UBE2E2: variants seen among roughly 807,000 people sequenced by gnomAD.
UBE2E2 encodes ubiquitin conjugating enzyme E2 E2, also known as ubiquitin-conjugating enzyme E2 E2.
UBE2E2 carries 6 observed loss-of-function variants against 24.7 expected under a neutral mutation model. The ratio of observed to expected loss-of-function variants is 0.24; its 90% CI spans 0.13 to 0.48. The LOEUF (loss-of-function observed/expected upper bound fraction) is 0.48. Among genes scored for constraint, UBE2E2 ranks in the 20% least tolerant of loss-of-function variants. The pLI is 0.99. For missense variants in UBE2E2, 169 were observed against 245.0 expected, an observed-to-expected ratio of 0.69 and a Z score of 2.07; for synonymous variants, 104 against 83.6, an observed-to-expected ratio of 1.24 and a Z score of -1.33.
chr3:23,313,603 T>C (rs967165661), intron 3 of UBE2E2, among the ~76,000 whole-genome samples: 2 of 152,048 alleles, frequency 1.3e-5, no homozygotes, highest in African/African-American at 4.8e-5. Flanking sequence ...CAGGATGGTC[T>C]CCATCTCTTG....
At chr3:23,416,107 G>T (rs574205621) in intron 3 of UBE2E2, among the ~76,000 whole-genome samples, 15 of 152,296 alleles carry the variant, frequency 9.8e-5, no homozygotes, top group Non-Finnish European at 2.2e-4. Context: ...GTATTCCATG[G>T]TGTATATGTG....
chr3:23,572,967 TC>T (rs1325984056), intron 5 of UBE2E2, among the ~76,000 whole-genome samples: 1 of 151,898 alleles, frequency 6.6e-6, no homozygotes, highest in Admixed American at 6.6e-5. Flanking sequence ...GACATGAGAG[TC>T]CTATACCCTG....
chr3:23,493,259 C>T (rs1699537744), intron 3 of UBE2E2, among the ~76,000 whole-genome samples: 1 of 152,158 alleles, frequency 6.6e-6, no homozygotes, highest in African/African-American at 2.4e-5. Context: ...TCTAAAGCAT[C>T]TTATGATCTT....
At chr3:23,532,806 T>A in intron 5 of UBE2E2, 105 bp downstream of exon 5, 6 of 1,043,814 alleles carry the variant, frequency 5.7e-6, no homozygotes, top group Non-Finnish European at 7.8e-6. Flanking sequence ...CCACTGCTTC[T>A]ACTACTATTA....
At chr3:23,303,109 A>C (rs1356083679) in intron 3 of UBE2E2, among the ~76,000 whole-genome samples, 1 of 151,926 alleles carries the variant, frequency 6.6e-6, no homozygotes, top group Non-Finnish European at 1.5e-5. Context: ...TAGGAGCGCA[A>C]ACTTTATTGT....
chr3:23,304,297 A>G (rs1027379), intron 3 of UBE2E2, among the ~76,000 whole-genome samples: 60,375 of 151,972 alleles, frequency 0.4, 12,563 homozygotes, highest in Admixed American at 0.53. Context: ...GTCAAAAACC[A>G]CTGTTTTTTT....
intron 3 of UBE2E2, among the ~76,000 whole-genome samples, chr3:23,225,902 C>CA (rs989714905): frequency 1.6e-4 from 24 of 151,152 alleles, no homozygotes; most frequent in Non-Finnish European, 2.4e-4. Flanking sequence ...GTTTTTGAGA[C>CA]AGAGTCTTGC....
intron 3 of UBE2E2, among the ~76,000 whole-genome samples, chr3:23,350,282 G>A (rs1226031835): frequency 1.4e-4 from 22 of 152,124 alleles, no homozygotes; most frequent in Admixed American, 1.4e-3. Context: ...CACAAAGATG[G>A]GGAGAAAACA....
intron 3 of UBE2E2, among the ~76,000 whole-genome samples, chr3:23,337,617 G>A (rs1041294675): frequency 6.6e-6 from 1 of 152,214 alleles, no homozygotes; most frequent in Non-Finnish European, 1.5e-5. Context: ...AGACTTGAAT[G>A]ATATATAAGA....
chr3:23,209,542 A>G lies in UBE2E2; in HGVS notation c.176+667A>G, dbSNP rs140681667. 2.0e-5 allele frequency among the ~76,000 whole-genome samples: 3 copies of G among 152,308 alleles called. No homozygotes were observed. In the East Asian group the frequency reaches 5.8e-4, roughly 29 times the overall value. ...ATAATTTGAAAGATAAATTAAATGT[A>G]GTGTCTTTCCTGATCCTGTGATTTT... On this transcript the variant is annotated intron_variant, in intron 2 of 5. Transcript: ENST00000396703.
chr3:23,564,700 G>T (rs13091625), intron 5 of UBE2E2, among the ~76,000 whole-genome samples: 4 of 151,992 alleles, frequency 2.6e-5, no homozygotes, highest in African/African-American at 2.4e-5. Flanking sequence ...ACATCCACGG[G>T]GTAGAAAGCC....
At position 23,268,419 on chromosome 3, in the gene UBE2E2, A is replaced by G. The variant is rs928590947; in HGVS notation, c.227+51107A>G. ...CATTCTTATACACCAGTAACAGACAAACAGCCAAATCATGAGTGAACTCCC... is the reference window on the plus strand; with the variant it reads ...CATTCTTATACACCAGTAACAGACAGACAGCCAAATCATGAGTGAACTCCC... On this transcript the variant is annotated intron_variant, in intron 3 of 5. Transcript: ENST00000396703. 1.5e-4 allele frequency among the ~76,000 whole-genome samples: 23 copies of G among 152,068 alleles called. 1 individual carries two copies. Among genetic ancestry groups the G allele is most frequent in the African/African-American group, 5.1e-4 (21 of 41,472 alleles).
intron 3 of UBE2E2, among the ~76,000 whole-genome samples, chr3:23,470,478 A>C (rs562677071): frequency 2.0e-5 from 3 of 152,304 alleles, no homozygotes; most frequent in Admixed American, 6.5e-5. Context: ...TTTTTCCTCA[A>C]GTTGTTATTT....
chr3:23,588,573 T>C (rs1696684633), intron 5 of UBE2E2, among the ~76,000 whole-genome samples: 1 of 151,874 alleles, frequency 6.6e-6, no homozygotes, highest in African/African-American at 2.4e-5. Context: ...TGAGCCACCG[T>C]GCCCCAATTT....
intron 3 of UBE2E2, among the ~76,000 whole-genome samples, chr3:23,480,529 G>C (rs1012065036): frequency 1.3e-5 from 2 of 152,048 alleles, no homozygotes; most frequent in African/African-American, 4.8e-5. Context: ...TCCATGGAGG[G>C]TGCAGCCCTC....
intron 3 of UBE2E2, among the ~76,000 whole-genome samples, chr3:23,243,928 A>G (rs1460370222): frequency 6.6e-6 from 1 of 152,018 alleles, no homozygotes; most frequent in Non-Finnish European, 1.5e-5. Context: ...CTGTGTATTT[A>G]TTCATTTTCA....
chr3:23,376,964 A>G (rs1036195510), intron 3 of UBE2E2, among the ~76,000 whole-genome samples: 4 of 152,196 alleles, frequency 2.6e-5, no homozygotes, highest in African/African-American at 9.7e-5. Flanking sequence ...CTTATAGCAG[A>G]ACATAAATCA....
At chr3:23,487,182 C>A (rs1462132134) in intron 3 of UBE2E2, among the ~76,000 whole-genome samples, 1 of 152,176 alleles carries the variant, frequency 6.6e-6, no homozygotes, top group African/African-American at 2.4e-5. Flanking sequence ...TGTGCACACC[C>A]AGCTCGGTCG....
chr3:23,343,663 C>G (rs1695465777), intron 3 of UBE2E2, among the ~76,000 whole-genome samples: 2 of 152,214 alleles, frequency 1.3e-5, no homozygotes, highest in South Asian at 4.1e-4. Context: ...GTGAACACAT[C>G]TGTGTAATCG....
Sources: allele counts gnomAD v4.1 joint callset (sites outside exome capture counted in the v4.1 genomes callset), GRCh38; gene constraint gnomAD v4.1.1; transcripts MANE v1.5; gene names NCBI Gene and HGNC (gene_info 2026-07-23, HGNC 2026-07-21).